CCDC148: variants seen among roughly 807,000 people sequenced by gnomAD.
CCDC148 encodes coiled-coil domain containing 148, also known as coiled-coil domain-containing protein 148.
A neutral mutation model predicts 85.7 loss-of-function variants in CCDC148; 89 were observed. The ratio of observed to expected loss-of-function variants is 1.04; its 90% CI spans 0.87 to 1.24. The LOEUF is 1.24. Among genes scored for constraint, CCDC148 ranks in the 50% most tolerant of loss-of-function variants. The pLI is 0.00. For missense variants in CCDC148, 692 were observed against 671.7 expected, an observed-to-expected ratio of 1.03 and a Z score of -0.33; for synonymous variants, 230 against 213.9, an observed-to-expected ratio of 1.08 and a Z score of -0.66.
chr2:158,355,292 CCT>C (rs1683567186), intron 2 of CCDC148, among the ~76,000 whole-genome samples: 1 of 151,900 alleles, frequency 6.6e-6, no homozygotes, highest in South Asian at 2.1e-4. Context: ...TCAAATTGTC[CCT>C]GTTTGCAGAC....
chr2:158,393,041 A>C (rs1472799272), intron 1 of CCDC148, among the ~76,000 whole-genome samples: 1 of 151,388 alleles, frequency 6.6e-6, no homozygotes, highest in Middle Eastern at 3.4e-3. Context: ...CATCTTGTGA[A>C]GGTAGTTTTA....
At chr2:158,228,401 G>A (rs903674707) in intron 10 of CCDC148, among the ~76,000 whole-genome samples, 7 of 152,138 alleles carry the variant, frequency 4.6e-5, no homozygotes, top group Non-Finnish European at 7.4e-5. Flanking sequence ...TCAGTGTGGC[G>A]ATTCCTCAGG....
chr2:158,363,535 A>G (rs538660865), intron 1 of CCDC148, among the ~76,000 whole-genome samples: 1 of 152,326 alleles, frequency 6.6e-6, no homozygotes, highest in South Asian at 2.1e-4. Flanking sequence ...AACGTAATCC[A>G]TCGCATAAAC....
chr2:158,429,592 G>A (rs1485207110), intron 1 of CCDC148, among the ~76,000 whole-genome samples: 1 of 152,148 alleles, frequency 6.6e-6, no homozygotes, highest in Non-Finnish European at 1.5e-5. Flanking sequence ...CAATGCGTAA[G>A]TGCATACATA....
At chr2:158,282,256 T>C (rs970016909) in intron 9 of CCDC148, among the ~76,000 whole-genome samples, 7 of 152,012 alleles carry the variant, frequency 4.6e-5, no homozygotes, top group African/African-American at 1.2e-4. Context: ...CTATTGAACA[T>C]AGTGTTGGAA....
Position 158,176,522 on chromosome 2 carries a change from T to C in CCDC148, c.1628A>G (p.Gln543Arg), listed in dbSNP as rs1460534755. Residue 543 changes from glutamine (Q) to arginine (R), a missense_variant and splice_region_variant, in exon 13 of 14, where the codon CAG becomes CGG. By Grantham distance (43) the Gln-to-Arg change is conservative. Transcript: ENST00000283233. Reference protein sequence around the residue: ...LFTLNTYNEQQIISDPRLRFE... With the variant: ...LFTLNTYNEQRIISDPRLRFE... ...AGTCATGCTAATTTCCATAATTACCTGCTGTTCATTGTATGTATTCAATGT... is the reference window on the plus strand; with the variant it reads ...AGTCATGCTAATTTCCATAATTACCCGCTGTTCATTGTATGTATTCAATGT... 1.6e-5 allele frequency: 26 copies of C among 1,610,380 alleles called. No individual in the cohort carries two copies. Among genetic ancestry groups the C allele is most frequent in the Non-Finnish European group, 1.6e-5 (19 of 1,177,648 alleles).
rs1686035357 is a variant in CCDC148, at chr2:158,406,634, T to TTGTTTTTGTTTTTGTTTTTG, written c.26-48065_26-48064insCAAAAACAAAAACAAAAACA. On this transcript the variant is annotated intron_variant, in intron 1 of 13. Coordinates refer to ENST00000283233, the MANE Select transcript of CCDC148 (RefSeq NM_138803.4). ...ATTTCTTTTTTTTTTTTTTTTTTTTTTTTTTTGAGACAGTGTCTCCCTCCA... is the reference window on the plus strand; with the variant it reads ...ATTTCTTTTTTTTTTTTTTTTTTTTTTGTTTTTGTTTTTGTTTTTGTTTTTTGAGACAGTGTCTCCCTCCA... 2.8e-5 allele frequency among the ~76,000 whole-genome samples: 4 copies of TTGTTTTTGTTTTTGTTTTTG among 142,030 alleles called. 1 individual carries two copies. Among genetic ancestry groups the TTGTTTTTGTTTTTGTTTTTG allele is most frequent in the South Asian group, 2.2e-4 (1 of 4,510 alleles). 93.2% of individuals were successfully genotyped at this position (142,030 alleles called of 152,430 possible).
intron 1 of CCDC148, among the ~76,000 whole-genome samples, chr2:158,390,528 A>C (rs899936717): frequency 5.9e-5 from 9 of 152,178 alleles, no homozygotes; most frequent in Non-Finnish European, 1.2e-4. Flanking sequence ...AAACTCTTAT[A>C]AACAAAATTC....
chr2:158,416,600 A>C (rs1686510259), intron 1 of CCDC148, among the ~76,000 whole-genome samples: 2 of 152,150 alleles, frequency 1.3e-5, no homozygotes, highest in Non-Finnish European at 2.9e-5. Context: ...TAAGTTCCTC[A>C]TCTCCACCTG....
chr2:158,435,210 T>C (rs1039243782), intron 1 of CCDC148, among the ~76,000 whole-genome samples: 1 of 152,034 alleles, frequency 6.6e-6, no homozygotes, highest in Non-Finnish European at 1.5e-5. Context: ...GGAAAAAATG[T>C]TAAAGACAGC....
chr2:158,215,791 G>A (rs905821215), intron 11 of CCDC148, among the ~76,000 whole-genome samples: 7 of 151,986 alleles, frequency 4.6e-5, no homozygotes, highest in African/African-American at 1.7e-4. Flanking sequence ...TTCATATGTT[G>A]AGGGCCTAAC....
At chr2:158,311,954 C>T (rs1692039279) in intron 8 of CCDC148, among the ~76,000 whole-genome samples, 1 of 152,124 alleles carries the variant, frequency 6.6e-6, no homozygotes, top group Admixed American at 6.5e-5. Flanking sequence ...GCCTGGAAAA[C>T]CTCTGTGGGT....
chr2:158,387,978 G>C (rs1284919230), intron 1 of CCDC148, among the ~76,000 whole-genome samples: 1 of 152,164 alleles, frequency 6.6e-6, no homozygotes, highest in Non-Finnish European at 1.5e-5. Flanking sequence ...TTCCAGTGTA[G>C]AGACCAGCAC....
intron 3 of CCDC148, among the ~76,000 whole-genome samples, chr2:158,342,825 C>T (rs779099657): frequency 2.0e-5 from 3 of 151,938 alleles, no homozygotes; most frequent in Non-Finnish European, 4.4e-5. Context: ...CAGAATGAAA[C>T]GAGGGAGAAA....
At position 158,194,016 on chromosome 2, in the gene CCDC148, T is replaced by TA. The variant is rs1162384195; in HGVS notation, c.1371-15021dup. On this transcript the variant is annotated intron_variant, in intron 11 of 13. Coordinates refer to ENST00000283233, the MANE Select transcript of CCDC148 (RefSeq NM_138803.4). ...ATGTACCCTAGAACTTAAAGTATAA[T>TA]AAAAAAAAAAAATTTAAAAAAATTT... 9.1e-4 allele frequency among the ~76,000 whole-genome samples: 129 copies of TA among 142,038 alleles called. No homozygotes were observed. In the East Asian group the frequency reaches 0.014, roughly 15 times the overall value. 93.2% of individuals were successfully genotyped at this position (142,038 alleles called of 152,430 possible).
intron 7 of CCDC148, among the ~76,000 whole-genome samples, chr2:158,322,402 A>G (rs550263801): frequency 3.9e-5 from 6 of 152,230 alleles, no homozygotes; most frequent in Admixed American, 1.3e-4. Flanking sequence ...GAAAAAAGGA[A>G]TGACACTGGA....
At chr2:158,437,057 A>G (rs1687691513) in intron 1 of CCDC148, among the ~76,000 whole-genome samples, 1 of 152,238 alleles carries the variant, frequency 6.6e-6, no homozygotes. Context: ...TAGAATGAGG[A>G]GCTGGTACCA....
At chr2:158,279,745 G>A (rs1690169479) in intron 9 of CCDC148, among the ~76,000 whole-genome samples, 1 of 152,000 alleles carries the variant, frequency 6.6e-6, no homozygotes, top group Non-Finnish European at 1.5e-5. Flanking sequence ...AGCAAGGCAG[G>A]CCAACGTTCA....
At chr2:158,430,464 A>T (rs2105331883) in intron 1 of CCDC148, among the ~76,000 whole-genome samples, 1 of 152,358 alleles carries the variant, frequency 6.6e-6, no homozygotes, top group East Asian at 1.9e-4. Flanking sequence ...CAGACAAAAA[A>T]GTTGATCAAT....
Sources: gnomAD v4.1 joint callset for allele counts (sites outside exome capture counted in the v4.1 genomes callset) on GRCh38, gnomAD v4.1.1 for gene constraint, MANE v1.5 for transcripts, NCBI Gene and HGNC (gene_info 2026-07-23, HGNC 2026-07-21) for gene names.